RASGRF2: variants seen among roughly 807,000 people sequenced by gnomAD.
The protein encoded by RASGRF2 is ras-specific guanine nucleotide-releasing factor 2.
In RASGRF2, 76 loss-of-function variants were observed where a neutral mutation model predicts 151.0. The ratio of observed to expected loss-of-function variants is 0.50; its 90% CI spans 0.42 to 0.61. The LOEUF (loss-of-function observed/expected upper bound fraction) is 0.61, where lower values mean the gene tolerates loss of function less well. Among genes scored for constraint, RASGRF2 ranks in the 20% least tolerant of loss-of-function variants. The probability of loss-of-function intolerance (pLI) is 0.00; values close to 1 mark genes in which losing one functional copy is unlikely to be tolerated. For synonymous variants in RASGRF2, 504 were observed against 566.5 expected, an observed-to-expected ratio of 0.89 and a Z score of 1.57; for missense variants, 1,148 against 1,564.6, an observed-to-expected ratio of 0.73 and a Z score of 4.49.
chr5:81,032,709 T>A (rs1010807567), intron 1 of RASGRF2, among the ~76,000 whole-genome samples: 9 of 150,618 alleles, frequency 6.0e-5, no homozygotes, highest in African/African-American at 2.0e-4. Flanking sequence ...GGGCAAAACC[T>A]GGAAGCATTC....
Position 81,092,861 on chromosome 5 carries a change from C to T in RASGRF2, c.1451C>T (p.Ser484Leu), listed in dbSNP as rs373195367. Residue 484 changes from serine (S) to leucine (L), a missense_variant, in exon 10 of 27, where the codon TCG (serine) becomes TTG (leucine). Physicochemically the swap from Ser to Leu is moderately radical, Grantham distance 145. Transcript: ENST00000265080. ...RGKLSKVRLG[S>L]LSLKKEGERQ... ...AAACTTAGTAAAGTTCGCCTGGGTT[C>T]GTTGTCTTTGAAAAAGGAAGGAGAG... is the stretch of plus-strand genomic sequence containing the variant. The T allele has an allele frequency of 8.1e-6, 13 of 1,612,980 alleles. No individual in the cohort carries two copies. Among genetic ancestry groups the T allele is most frequent in the African/African-American group, 8.0e-5 (6 of 74,898 alleles).
chr5:81,109,563 G>A lies in RASGRF2; in HGVS notation c.1838+485G>A, dbSNP rs186526852. Among the ~76,000 whole-genome samples the A allele has an allele frequency of 2.8e-3, 431 of 152,312 alleles. 1 individual carries two copies. The highest frequency in any genetic ancestry group is 0.01 in the African/African-American group (420 of 41,558). The stretch of plus-strand genomic sequence containing the variant: ...CACCTGTAATCCCAGCTACTCGGGA[G>A]GCTGAGGCAGGAGAATCACTTGAAC... On this transcript the variant is annotated intron_variant, in intron 13 of 26. Coordinates refer to ENST00000265080, the MANE Select transcript of RASGRF2 (RefSeq NM_006909.3).
intron 1 of RASGRF2, among the ~76,000 whole-genome samples, chr5:81,034,936 T>C (rs1003968452): frequency 1.3e-5 from 2 of 151,654 alleles, no homozygotes; most frequent in Admixed American, 6.6e-5. Flanking sequence ...ACCCTAAAAC[T>C]TAAAGTATAA....
intron 1 of RASGRF2, among the ~76,000 whole-genome samples, chr5:80,991,474 T>C (rs1748648510): frequency 6.6e-6 from 1 of 152,222 alleles, no homozygotes; most frequent in South Asian, 2.1e-4. Flanking sequence ...AGAGTCTGCA[T>C]TGCTAACAAG....
chr5:81,171,510 G>T (rs1754656362), intron 17 of RASGRF2, among the ~76,000 whole-genome samples: 1 of 151,512 alleles, frequency 6.6e-6, no homozygotes, highest in Non-Finnish European at 1.5e-5. Flanking sequence ...GAGCAGACAA[G>T]AAAATTATCA....
At chr5:81,163,554 A>G (rs906767504) in intron 17 of RASGRF2, among the ~76,000 whole-genome samples, 2 of 152,108 alleles carry the variant, frequency 1.3e-5, no homozygotes, top group African/African-American at 4.8e-5. Flanking sequence ...CTACTTTACA[A>G]TATCTTCAGG....
Position 81,029,116 on chromosome 5 carries a change from T to A in RASGRF2, c.289-13761T>A, listed in dbSNP as rs539692392. On this transcript the variant is annotated intron_variant, in intron 1 of 26. Coordinates refer to ENST00000265080, the MANE Select transcript of RASGRF2 (RefSeq NM_006909.3). ...AGGCTGGGGTAGGGGTGTCTGCCAT[T>A]GCTGAGGCTTGAGTAGGTAAACAAA... 5.3e-5 allele frequency among the ~76,000 whole-genome samples: 8 copies of A among 152,286 alleles called. No individual in the cohort carries two copies. In the South Asian group the frequency reaches 1.5e-3, roughly 28 times the overall value.
In RASGRF2 at chr5:81,080,025, A is replaced by G. The variant is rs552383318; in HGVS notation, c.888-96A>G. ...AGTTTGGAGGCCCTATGGGACATAT[A>G]TATTATGTATATATTAAGGCTTTAA... On this transcript the variant is annotated intron_variant, in intron 5 of 26. Transcript: ENST00000265080. The G allele has an allele frequency of 4.9e-6, 7 of 1,436,660 alleles. No homozygotes were observed. In the South Asian group the frequency reaches 9.7e-5, roughly 20 times the overall value. 89.0% of individuals were successfully genotyped at this position (1,436,660 alleles called of 1,614,324 possible). A position where few individuals can be genotyped will look rare whatever the true frequency, so the allele number is the denominator to read the frequency against.
At chr5:81,216,179 TAAG>T (rs1198660601) in intron 24 of RASGRF2, among the ~76,000 whole-genome samples, 8 of 152,316 alleles carry the variant, frequency 5.3e-5, no homozygotes, top group African/African-American at 1.4e-4. Flanking sequence ...GATTAAGAAT[TAAG>T]AAGGTAATAC....
intron 17 of RASGRF2, among the ~76,000 whole-genome samples, chr5:81,149,137 T>C (rs1754071981): frequency 1.3e-5 from 2 of 152,186 alleles, no homozygotes; most frequent in Non-Finnish European, 2.9e-5. Context: ...AATCCCACTA[T>C]TGGGAAAATA....
chr5:80,998,738 T>C (rs1748979084), intron 1 of RASGRF2, among the ~76,000 whole-genome samples: 1 of 152,218 alleles, frequency 6.6e-6, no homozygotes, highest in Non-Finnish European at 1.5e-5. Context: ...GCTCTGCCTG[T>C]ATAAGTTGCA....
At chr5:81,094,708 C>G (rs532118191) in intron 11 of RASGRF2, 148 bp from the exon 12 acceptor site, 3 of 814,646 alleles carry the variant, frequency 3.7e-6, no homozygotes, top group Non-Finnish European at 5.5e-6. Context: ...TAATAAAGCC[C>G]TCTTCATGCC....
chr5:81,070,711 GC>G (rs1454683181), intron 4 of RASGRF2, 130 bp downstream of exon 4: 2 of 687,334 alleles, frequency 2.9e-6, no homozygotes, highest in Non-Finnish European at 5.0e-6. Context: ...TCCCAGACTT[GC>G]CCTGCAGAGT....
At chr5:81,174,516 G>A (rs1222848665) in intron 17 of RASGRF2, among the ~76,000 whole-genome samples, 1 of 152,176 alleles carries the variant, frequency 6.6e-6, no homozygotes, top group East Asian at 1.9e-4. Context: ...AGTGTTTGGC[G>A]ACAGAGCAAA....
chr5:81,026,151 C>T (rs970063347), intron 1 of RASGRF2, among the ~76,000 whole-genome samples: 4 of 112,716 alleles, frequency 3.5e-5, no homozygotes, highest in African/African-American at 1.2e-4. Flanking sequence ...TTCCATCCTT[C>T]CTCCCTCCCT....
chr5:81,176,771 G>C, intron 17 of RASGRF2, among the ~76,000 whole-genome samples: 1 of 152,120 alleles, frequency 6.6e-6, no homozygotes, highest in East Asian at 1.9e-4. Context: ...CATTAGATGG[G>C]TATACCATAC....
At chr5:81,023,141 G>A (rs560127610) in intron 1 of RASGRF2, among the ~76,000 whole-genome samples, 13 of 152,284 alleles carry the variant, frequency 8.5e-5, no homozygotes, top group African/African-American at 2.9e-4. Context: ...GGATGTAATA[G>A]GAATGCTGTT....
At chr5:81,029,448 G>T (rs1750158002) in intron 1 of RASGRF2, among the ~76,000 whole-genome samples, 1 of 152,200 alleles carries the variant, frequency 6.6e-6, no homozygotes, top group Non-Finnish European at 1.5e-5. Context: ...CTGAGATGAA[G>T]CTTCCACAGG....
intron 5 of RASGRF2, among the ~76,000 whole-genome samples, chr5:81,076,183 G>C (rs1190621290): frequency 6.6e-6 from 1 of 152,144 alleles, no homozygotes; most frequent in East Asian, 1.9e-4. Context: ...GTGGGGCGGA[G>C]GGAAGAGGAT....
Sources: gnomAD v4.1 joint callset for allele counts (sites outside exome capture counted in the v4.1 genomes callset) on GRCh38, gnomAD v4.1.1 for gene constraint, MANE v1.5 for transcripts, NCBI Gene and HGNC (gene_info 2026-07-23, HGNC 2026-07-21) for gene names.